CCDC73: variants seen among roughly 807,000 people sequenced by gnomAD.
The protein encoded by CCDC73 is coiled-coil domain-containing protein 73.
CCDC73 carries 95 observed loss-of-function variants against 116.5 expected under a neutral mutation model. The observed-to-expected ratio is 0.82, with a 90% CI of 0.69 to 0.97. The LOEUF (loss-of-function observed/expected upper bound fraction) is 0.97, where lower values mean the gene tolerates loss of function less well. CCDC73 is among the 50% of genes least tolerant of loss of function. The pLI is 0.00. For missense variants in CCDC73, 1,066 were observed against 1,206.8 expected (o/e 0.88, Z 1.73); for synonymous variants, 398 against 401.3 (o/e 0.99, Z 0.10).
chr11:32,693,844 G>A (rs1856284424), intron 6 of CCDC73, among the ~76,000 whole-genome samples: 1 of 152,148 alleles, frequency 6.6e-6, no homozygotes, highest in African/African-American at 2.4e-5. Context: ...TGCAGAAAAG[G>A]CCTGTGACAA....
At chr11:32,824,899 C>T in the CCDC73 span, among the ~76,000 whole-genome samples, 1 of 152,202 alleles carries the variant, frequency 6.6e-6, no homozygotes, top group Non-Finnish European at 1.5e-5. Context: ...GCCTGAGCAA[C>T]ATGGCAAAAC....
chr11:32,665,663 A>C (rs572180927), intron 9 of CCDC73, among the ~76,000 whole-genome samples: 16 of 152,266 alleles, frequency 1.1e-4, no homozygotes, highest in African/African-American at 3.9e-4. Flanking sequence ...TTTACATTTA[A>C]GGTTAATATT....
intron 1 of CCDC73, among the ~76,000 whole-genome samples, chr11:32,792,132 A>C (rs1850682209): frequency 6.6e-6 from 1 of 152,150 alleles, no homozygotes; most frequent in African/African-American, 2.4e-5. Flanking sequence ...TAGCTCTAAC[A>C]CAATTTCCCA....
intron 2 of CCDC73, among the ~76,000 whole-genome samples, chr11:32,747,271 A>T (rs1364821680): frequency 6.6e-6 from 1 of 152,068 alleles, no homozygotes; most frequent in Non-Finnish European, 1.5e-5. Context: ...GCAGAACAGC[A>T]AATATTGCTC....
At chr11:32,764,704 A>C (rs1850424441) in intron 1 of CCDC73, among the ~76,000 whole-genome samples, 1 of 152,214 alleles carries the variant, frequency 6.6e-6, no homozygotes, top group Admixed American at 6.5e-5. Context: ...AACTGCGTAA[A>C]CTAACAAGCA....
the CCDC73 span, among the ~76,000 whole-genome samples, chr11:32,816,073 A>G: frequency 6.6e-6 from 1 of 152,312 alleles, no homozygotes. Context: ...AACTTTTCAG[A>G]TGGTACTGCC....
intron 1 of CCDC73, among the ~76,000 whole-genome samples, chr11:32,776,936 A>AAT (rs1169476616): frequency 0.02 from 743 of 36,362 alleles, 5 homozygotes; most frequent in East Asian, 0.032. Context: ...AAAAAAAAAA[A>AAT]ATATATATAT....
intron 1 of CCDC73, among the ~76,000 whole-genome samples, chr11:32,778,597 A>C (rs1213961169): frequency 2.0e-5 from 3 of 152,224 alleles, no homozygotes; most frequent in Admixed American, 1.3e-4. Context: ...GGATCACCTG[A>C]GGTCAGGAGT....
At chr11:32,825,295 CTTTTTTTTTTTTTTT>C in the CCDC73 span, among the ~76,000 whole-genome samples, 3 of 64,446 alleles carry the variant, frequency 4.7e-5, no homozygotes, top group African/African-American at 1.4e-4. Flanking sequence ...CTGATGCAGA[CTTTTTTTTTTTTTTT>C]TTTTTTTTTT....
At chr11:32,788,841 G>C (rs1850649066) in intron 1 of CCDC73, among the ~76,000 whole-genome samples, 1 of 151,996 alleles carries the variant, frequency 6.6e-6, no homozygotes, top group Non-Finnish European at 1.5e-5. Flanking sequence ...TTTAACTCAA[G>C]GCATAGTAAC....
At chr11:32,700,727 T>C in intron 5 of CCDC73, 64 bp downstream of exon 5, 1 of 767,788 alleles carries the variant, frequency 1.3e-6, no homozygotes, top group Non-Finnish European at 2.1e-6. Flanking sequence ...AGCTATGTTT[T>C]AAATTATTTT....
At chr11:32,700,180 A>G (rs1849800014) in intron 5 of CCDC73, among the ~76,000 whole-genome samples, 1 of 152,020 alleles carries the variant, frequency 6.6e-6, no homozygotes, top group Non-Finnish European at 1.5e-5. Flanking sequence ...TATTTATCTA[A>G]TGAATATAAA....
intron 1 of CCDC73, among the ~76,000 whole-genome samples, chr11:32,769,067 T>G (rs1033386348): frequency 9.2e-5 from 14 of 152,132 alleles, no homozygotes; most frequent in African/African-American, 3.4e-4. Context: ...TTACCAAGTA[T>G]TAGTAAAGAA....
intron 2 of CCDC73, among the ~76,000 whole-genome samples, chr11:32,734,392 A>G (rs1850107661): frequency 6.6e-6 from 1 of 151,930 alleles, no homozygotes; most frequent in Non-Finnish European, 1.5e-5. Flanking sequence ...ATCAATAGAA[A>G]AAGAGGGAAT....
At chr11:32,619,473 C>G (rs1281410603) in intron 14 of CCDC73, among the ~76,000 whole-genome samples, 1 of 152,114 alleles carries the variant, frequency 6.6e-6, no homozygotes, top group Non-Finnish European at 1.5e-5. Context: ...GAGTTTGAGA[C>G]CAGCTTAGGC....
the CCDC73 span, among the ~76,000 whole-genome samples, chr11:32,801,201 A>G: frequency 5.3e-5 from 8 of 152,274 alleles, no homozygotes; most frequent in East Asian, 1.5e-3. Context: ...CTCATATCTC[A>G]TCGGCTCAAA....
At chr11:32,801,864 C>T in the CCDC73 span, among the ~76,000 whole-genome samples, 1 of 152,126 alleles carries the variant, frequency 6.6e-6, no homozygotes, top group Non-Finnish European at 1.5e-5. Context: ...GCTGGAAATA[C>T]AAATTTGGAA....
the CCDC73 span, among the ~76,000 whole-genome samples, chr11:32,828,675 C>T: frequency 4.9e-4 from 74 of 152,272 alleles, 1 homozygote; most frequent in East Asian, 0.014. Flanking sequence ...CTCTGTCCAC[C>T]TGCTGCCTTC....
chr11:32,758,741 G>A (rs886710805), intron 2 of CCDC73: 35 of 203,300 alleles, frequency 1.7e-4, no homozygotes, highest in Non-Finnish European at 3.4e-4. Flanking sequence ...ACAGACCAAA[G>A]TATAAAATTT....
Sources: gnomAD v4.1 joint callset for allele counts (sites outside exome capture counted in the v4.1 genomes callset) on GRCh38, gnomAD v4.1.1 for gene constraint, MANE v1.5 for transcripts, NCBI Gene and HGNC (gene_info 2026-07-23, HGNC 2026-07-21) for gene names.